The following CASP8 variants were observed in gnomAD, a reference collection of about 807,000 sequenced individuals.
CASP8 encodes the protein caspase 8.
Under a neutral mutation model 46.3 loss-of-function variants are expected in CASP8, and 24 were observed. The ratio of observed to expected loss-of-function variants is 0.52; its 90% CI spans 0.38 to 0.73. CASP8 has a LOEUF of 0.73. Among genes scored for constraint, CASP8 ranks in the 30% least tolerant of loss-of-function variants. CASP8 has a pLI of 0.00. For synonymous variants in CASP8, 188 were observed against 200.4 expected (o/e 0.94, Z 0.52); for missense variants, 460 against 559.0 (o/e 0.82, Z 1.79).
At chr2:201,276,726 G>A in intron 6 of CASP8, 101 bp from the exon 7 acceptor site, 1 of 1,459,524 alleles carries the variant, frequency 6.9e-7, no homozygotes, top group Non-Finnish European at 9.5e-7. Flanking sequence ...GAGTTGGGGT[G>A]GTGCAATGGA....
intron 2 of CASP8, among the ~76,000 whole-genome samples, chr2:201,239,616 A>C (rs992590431): frequency 1.3e-5 from 2 of 152,098 alleles, no homozygotes; most frequent in Non-Finnish European, 2.9e-5. Flanking sequence ...ATTCTCAGTT[A>C]CCTTGGATTG....
chr2:201,250,810 GGTTCACTT>G (rs1231013474), intron 2 of CASP8, among the ~76,000 whole-genome samples: 1 of 152,144 alleles, frequency 6.6e-6, no homozygotes, highest in Non-Finnish European at 1.5e-5. Flanking sequence ...TTTCCATTAG[GGTTCACTT>G]TTGGTGTACA....
In CASP8 at chr2:201,272,574, A is replaced by T; in HGVS notation, c.412-64A>T. Reference sequence around the variant, plus strand: ...TGGAGAAATTGGAAATTAAAAAAAAAAATCTAATCTAAAAACCAGTAGGGC... The same window carrying T: ...TGGAGAAATTGGAAATTAAAAAAAATAATCTAATCTAAAAACCAGTAGGGC... On this transcript the variant is annotated intron_variant, in intron 3 of 8. Transcript: ENST00000673742. This position sits in a 1 kb window ranked among gnomAD's most constrained non-coding sequence, Gnocchi z 4.4. 1.3e-6 allele frequency: 2 copies of T among 1,586,448 alleles called. No homozygotes were observed. The highest frequency in any genetic ancestry group is 1.7e-6 in the Non-Finnish European group (2 of 1,160,266).
chr2:201,238,015 A>G (rs1200771016), intron 2 of CASP8, among the ~76,000 whole-genome samples: 1 of 152,238 alleles, frequency 6.6e-6, no homozygotes, highest in African/African-American at 2.4e-5. Flanking sequence ...GTGCAAGAAG[A>G]ACGTGAATGA....
At position 201,266,922 on chromosome 2, in the gene CASP8, C is replaced by T. The variant is rs751976325; in HGVS notation, c.305+131C>T. On this transcript the variant is annotated intron_variant, in intron 2 of 8. Coordinates refer to ENST00000673742, the MANE Select transcript of CASP8 (RefSeq NM_001372051.1). The surrounding 1 kb of genome is among the most constrained non-coding windows in gnomAD (Gnocchi z 5.7). The stretch of plus-strand genomic sequence containing the variant: ...CCAGCAGTGCCACAATTCTAAGCTT[C>T]TACAGAAAGACAGTAGTGCCTTGGG... 40 of 643,416 alleles carry T rather than the reference C, an allele frequency of 6.2e-5. No individual in the cohort carries two copies. Among genetic ancestry groups the T allele is most frequent in the Non-Finnish European group, 9.8e-5 (37 of 378,188 alleles). 39.9% of individuals were successfully genotyped at this position (643,416 alleles called of 1,614,324 possible). A position where few individuals can be genotyped will look rare whatever the true frequency, so the allele number is the denominator to read the frequency against.
chr2:201,249,945 A>T (rs1946706773), intron 2 of CASP8, among the ~76,000 whole-genome samples: 1 of 152,226 alleles, frequency 6.6e-6, no homozygotes, highest in South Asian at 2.1e-4. Flanking sequence ...CAGAAGACAG[A>T]TTAATAAGAG....
chr2:201,262,023 T>C (rs1164930052), intron 1 of CASP8: 1 of 152,144 alleles, frequency 6.6e-6, no homozygotes, highest in South Asian at 2.1e-4. Flanking sequence ...AGAACTTCTG[T>C]TTTTGTGGCT....
rs548850030 is a variant in CASP8, at chr2:201,239,407, A to C, written c.-27+5295A>C. ...TGGCCGGGCGGGGGGCTGACCCCCC[A>C]CCTCCCTCCCGGACGGGGCGGCTTC... On this transcript the variant is annotated intron_variant, in intron 2 of 6. Transcript: ENST00000264274. Among the ~76,000 whole-genome samples, 89 of 151,942 alleles carry C rather than the reference A, an allele frequency of 5.9e-4. 1 individual carries two copies. The highest frequency in any genetic ancestry group is 1.3e-4 in the Non-Finnish European group (9 of 67,954).
rs1327593298 is a variant in CASP8 at position 201,260,622 on chromosome 2, T to C, written c.-27+9T>C. The C allele has an allele frequency of 1.0e-6, 1 of 955,688 alleles. No individual in the cohort carries two copies. Among genetic ancestry groups the C allele is most frequent in the Non-Finnish European group, 1.2e-6 (1 of 802,878 alleles). 59.2% of individuals were successfully genotyped at this position (955,688 alleles called of 1,614,324 possible). ...ACCATCGTGAGAGTAAGGTAAGGATTTGCCTCTTTGTTAAGGTCAGAGGGG... is the reference window on the plus strand; with the variant it reads ...ACCATCGTGAGAGTAAGGTAAGGATCTGCCTCTTTGTTAAGGTCAGAGGGG... On this transcript the variant is annotated intron_variant, in intron 1 of 8. Coordinates refer to ENST00000673742, the MANE Select transcript of CASP8 (RefSeq NM_001372051.1).
At chr2:201,249,482 C>G (rs957927294) in intron 2 of CASP8, among the ~76,000 whole-genome samples, 3 of 152,212 alleles carry the variant, frequency 2.0e-5, no homozygotes, top group African/African-American at 7.2e-5. Flanking sequence ...CACCTGTAGT[C>G]CCAGCTTATT....
At position 201,272,015 on chromosome 2, in the gene CASP8, C is replaced by T. The variant is rs896612220; in HGVS notation, c.411+394C>T. Reference sequence around the variant, plus strand: ...TTTCCGTGTCTGTGTGTGCCTTTCTCTGTGTATAGTGTGTGTCTGTATTTG... The same window carrying T: ...TTTCCGTGTCTGTGTGTGCCTTTCTTTGTGTATAGTGTGTGTCTGTATTTG... On this transcript the variant is annotated intron_variant, in intron 3 of 8. Transcript: ENST00000673742. The surrounding 1 kb of genome is among the most constrained non-coding windows in gnomAD (Gnocchi z 4.4). Among the ~76,000 whole-genome samples the T allele has an allele frequency of 2.0e-5, 3 of 151,584 alleles. No homozygotes were observed. The highest frequency in any genetic ancestry group is 4.4e-5 in the Non-Finnish European group (3 of 67,900).
At chr2:201,243,445 A>T (rs1253843121) in intron 2 of CASP8, among the ~76,000 whole-genome samples, 1 of 152,252 alleles carries the variant, frequency 6.6e-6, no homozygotes, top group Non-Finnish European at 1.5e-5. Context: ...CCTTGAATCC[A>T]CAAGCATAAT....
upstream of CASP8, chr2:201,260,525 C>T (rs1009106539): frequency 2.5e-5 from 25 of 985,304 alleles, no homozygotes; most frequent in Admixed American, 4.9e-4. Flanking sequence ...TGTGCCCTTC[C>T]GTCCTTCATT....
chr2:201,259,129 A>G (rs1001300963), upstream of CASP8, among the ~76,000 whole-genome samples: 4 of 152,110 alleles, frequency 2.6e-5, no homozygotes, highest in African/African-American at 7.2e-5. Flanking sequence ...TTGCATATTA[A>G]TACTATTGGT....
intron 2 of CASP8, among the ~76,000 whole-genome samples, chr2:201,244,731 G>A (rs2124936284): frequency 6.6e-6 from 1 of 152,292 alleles, no homozygotes; most frequent in South Asian, 2.1e-4. Flanking sequence ...GATAACTGAT[G>A]AAGAGGGTTA....
intron 7 of CASP8, chr2:201,278,256 G>T (rs1013117257): frequency 3.3e-5 from 5 of 152,270 alleles, no homozygotes; most frequent in Admixed American, 2.6e-4. Flanking sequence ...TGTGTGTCCT[G>T]CTTTTTCTGT....
At chr2:201,258,534 C>G, upstream of CASP8, 1 of 890,010 alleles carries the variant, frequency 1.1e-6, no homozygotes. Flanking sequence ...CCCAGGTCTC[C>G]TGTGTGGTTT....
intron 6 of CASP8, 30 bp downstream of exon 6, chr2:201,274,983 T>A (rs1559360918): frequency 1.3e-6 from 2 of 1,486,818 alleles, no homozygotes; most frequent in Admixed American, 1.7e-5. Flanking sequence ...TCCTTTTTTT[T>A]ACATTACAGA....
chr2:201,237,288 A>T (rs1946092854), intron 2 of CASP8, among the ~76,000 whole-genome samples: 1 of 151,392 alleles, frequency 6.6e-6, no homozygotes, highest in Non-Finnish European at 1.5e-5. Context: ...ATGGGGTTTC[A>T]ACATGTTAGC....
Sources: gnomAD v4.1 joint callset for allele counts (sites outside exome capture counted in the v4.1 genomes callset) on GRCh38, gnomAD v4.1.1 for gene constraint, Gnocchi (gnomAD v3.1) non-coding constraint, MANE v1.5 for transcripts, NCBI Gene and HGNC (gene_info 2026-07-23, HGNC 2026-07-21) for gene names.